Variants in PFKL observed in about 807,000 individuals in gnomAD.
PFKL encodes phosphofructokinase, liver type.
Under a neutral mutation model 92.1 loss-of-function variants are expected in PFKL, and 74 were observed. The observed-to-expected ratio is 0.80, with a 90% CI of 0.67 to 0.97. PFKL has a LOEUF of 0.97. Among genes scored for constraint, PFKL ranks in the 50% least tolerant of loss-of-function variants. The probability of loss-of-function intolerance (pLI) is 0.00; values close to 1 mark genes in which losing one functional copy is unlikely to be tolerated. For missense variants in PFKL, 1,028 were observed against 1,116.6 expected, an observed-to-expected ratio of 0.92 and a Z score of 1.13; for synonymous variants, 494 against 456.4, an observed-to-expected ratio of 1.08 and a Z score of -1.05.
intron 1 of PFKL, chr21:44,304,586 G>C: frequency 1.9e-6 from 2 of 1,050,240 alleles, no homozygotes; most frequent in Non-Finnish European, 2.4e-6. Flanking sequence ...GGGGGACAGG[G>C]CGCTGCACTC....
At chr21:44,317,760 C>A (rs987340153) in intron 9 of PFKL, among the ~76,000 whole-genome samples, 4 of 152,250 alleles carry the variant, frequency 2.6e-5, no homozygotes, top group African/African-American at 4.8e-5. Context: ...GAGCCTCATC[C>A]TGCATGGGGG....
In PFKL at chr21:44,324,533, C is replaced by T. The variant is rs1448983891; in HGVS notation, c.1693C>T (p.Arg565Cys). 2.5e-6 allele frequency: 4 copies of T among 1,613,338 alleles called. No individual in the cohort carries two copies. Among genetic ancestry groups the T allele is most frequent in the Non-Finnish European group, 3.4e-6 (4 of 1,179,920 alleles). Residue 565 changes from arginine to cysteine, a missense_variant, in exon 17 of 22, where the codon CGT becomes TGT. By Grantham distance (180) the Arg-to-Cys change is radical. Coordinates refer to ENST00000349048, the MANE Select transcript of PFKL (RefSeq NM_002626.6). ...IKQSASGTKR[R>C]VFIVETMGGY... ...ACAGTCTGCCTCGGGGACCAAGCGC[C>T]GTGTGTTCATCGTGGAGACCATGGG...
At chr21:44,318,698 A>T in intron 10 of PFKL, 103 bp downstream of exon 10, 5 of 1,006,726 alleles carry the variant, frequency 5.0e-6, no homozygotes, top group East Asian at 3.8e-5. Context: ...TGAGCACCGG[A>T]GGGCAGGGCC....
In PFKL at chr21:44,326,810, G is replaced by A. The variant is rs1234997063; in HGVS notation, c.2291G>A (p.Gly764Glu). ...YRISMAAYVS[G>E]ELEHVTRRTL... Reference sequence around the variant, plus strand: ...ATCAGTATGGCCGCCTACGTGTCAGGGGAGCTGGAGCACGTGACCCGCCGC... The same window carrying A: ...ATCAGTATGGCCGCCTACGTGTCAGAGGAGCTGGAGCACGTGACCCGCCGC... Residue 764 changes from glycine (G) to glutamate (E), a missense_variant, in exon 22 of 22, where the codon GGG (glycine) becomes GAG (glutamate). Coordinates refer to ENST00000349048, the MANE Select transcript of PFKL (RefSeq NM_002626.6). The A allele has an allele frequency of 6.2e-7, 1 of 1,607,130 alleles. No homozygotes were observed. Among genetic ancestry groups the A allele is most frequent in the Non-Finnish European group, 8.5e-7 (1 of 1,177,090 alleles).
Position 44,318,550 on chromosome 21 carries a change from G to C in PFKL, c.1017G>C (p.Ser339=). Residue 339 remains serine, a synonymous_variant, in exon 10 of 22, where the codon TCG becomes TCC. Coordinates refer to ENST00000349048, the MANE Select transcript of PFKL (RefSeq NM_002626.6). The part of the protein sequence containing the change: ...PDTPACVVTL[S]GNQSVRLPLM... ...CGCCGGCCTGCGTGGTCACCCTCTC[G>C]GGGAACCAGTCAGTGCGGCTGCCCC... The C allele has an allele frequency of 6.3e-7, 1 of 1,576,128 alleles. No homozygotes were observed. Among genetic ancestry groups the C allele is most frequent in the Middle Eastern group, 1.7e-4 (1 of 5,798 alleles).
intron 7 of PFKL, chr21:44,315,323 T>A (rs1221119372): frequency 6.6e-6 from 1 of 152,272 alleles, no homozygotes; most frequent in African/African-American, 2.4e-5. Context: ...AGAGTCTGTT[T>A]CCCCCTGTAA....
At chr21:44,324,786 C>G in intron 17 of PFKL, 70 bp from the exon 18 acceptor site, 8 of 1,581,066 alleles carry the variant, frequency 5.1e-6, no homozygotes, top group Non-Finnish European at 6.9e-6. Flanking sequence ...CTGCTGGCCC[C>G]GGATCGCCGG....
chr21:44,326,998 C>G lies in PFKL; in HGVS notation c.*136C>G, dbSNP rs2047533679. The G allele has an allele frequency of 2.5e-6, 2 of 797,192 alleles. No individual in the cohort carries two copies. The highest frequency in any genetic ancestry group is 5.1e-5 in the Admixed American group (2 of 39,304). The allele number at this position is 797,192 out of a possible 1,614,324, so 49.4% of individuals were successfully genotyped here. A position where few individuals can be genotyped will look rare whatever the true frequency, so the allele number is the denominator to read the frequency against. On this transcript the variant is annotated 3_prime_UTR_variant, in exon 22 of 22. Transcript: ENST00000349048. ...CGTCCCTGCTCAGCCCATCCCCTGC[C>G]TCTATCCCTGGCCACCTGCCAGGCC...
chr21:44,324,746 C>G, intron 17 of PFKL, 91 bp downstream of exon 17: 3 of 1,566,420 alleles, frequency 1.9e-6, no homozygotes, highest in Non-Finnish European at 2.6e-6. Context: ...GGGCAGGGCC[C>G]GGGCAGGTGG....
intron 1 of PFKL, among the ~76,000 whole-genome samples, chr21:44,300,561 C>T (rs940998269): frequency 1.3e-5 from 2 of 152,192 alleles, no homozygotes; most frequent in African/African-American, 4.8e-5. Context: ...CTGAAGCGAC[C>T]CGGGGACCCG....
At chr21:44,325,716 C>G in intron 19 of PFKL, 1 of 554,028 alleles carries the variant, frequency 1.8e-6, no homozygotes, top group Non-Finnish European at 3.2e-6. Context: ...GCCCAGGAGT[C>G]ACTTGACTTG....
At chr21:44,322,342 A>AG in intron 14 of PFKL, 139 bp downstream of exon 14, 1 of 758,630 alleles carries the variant, frequency 1.3e-6, no homozygotes, top group Non-Finnish European at 2.1e-6. Context: ...TGCCCAGAGC[A>AG]GGCTTCACGC....
intron 18 of PFKL, 43 bp from the exon 19 acceptor site, chr21:44,325,110 C>A: frequency 7.0e-7 from 1 of 1,422,370 alleles, no homozygotes; most frequent in Non-Finnish European, 9.9e-7. Context: ...GGGGGGAGAC[C>A]TGAACTCGTT....
rs781224767 is a variant in PFKL at position 44,318,481 on chromosome 21, G to C, written c.948G>C (p.Met316Ile). The part of the protein sequence containing the change: ...SAFDRILSSK[M>I]GMEAVMALLE... ...ACCCTTCCCCACAGAGCAGCAAGAT[G>C]GGCATGGAGGCGGTGATGGCGCTGC... Residue 316 changes from methionine to isoleucine, a missense_variant, in exon 10 of 22, where the codon ATG becomes ATC. Coordinates refer to ENST00000349048, the MANE Select transcript of PFKL (RefSeq NM_002626.6). 1.3e-6 allele frequency: 2 copies of C among 1,554,356 alleles called. No homozygotes were observed. Among genetic ancestry groups the C allele is most frequent in the Non-Finnish European group, 1.7e-6 (2 of 1,143,114 alleles).
At position 44,327,161 on chromosome 21, in the gene PFKL, C is replaced by A; in HGVS notation, c.*299C>A. 1 of 457,690 alleles carries A rather than the reference C, an allele frequency of 2.2e-6. No individual in the cohort carries two copies. Among genetic ancestry groups the A allele is most frequent in the Non-Finnish European group, 4.0e-6 (1 of 247,588 alleles). The allele number at this position is 457,690 out of a possible 1,614,324, so 28.4% of individuals were successfully genotyped here. A position where few individuals can be genotyped will look rare whatever the true frequency, so the allele number is the denominator to read the frequency against. On this transcript the variant is annotated 3_prime_UTR_variant, in exon 22 of 22. Transcript: ENST00000349048. ...GGCTGCTGCCCCCTGGCTTTGGCGC[C>A]CCATGGGCCCTCAGCGTCTCCCCAT...
At chr21:44,314,097 G>T (rs1193527726) in intron 7 of PFKL, 76 bp downstream of exon 7, 15 of 995,744 alleles carry the variant, frequency 1.5e-5, no homozygotes, top group Non-Finnish European at 2.3e-5. Context: ...TTTGGGACCA[G>T]CCTTGACCAA....
At chr21:44,315,737 T>G in intron 7 of PFKL, 1 of 193,160 alleles carries the variant, frequency 5.2e-6, no homozygotes, top group Non-Finnish European at 1.1e-5. Flanking sequence ...CCACAGTGGC[T>G]TCAGGGTGCA....
At chr21:44,314,221 C>G (rs1032778821) in intron 7 of PFKL, 200 bp downstream of exon 7, 6 of 579,916 alleles carry the variant, frequency 1.0e-5, no homozygotes, top group Admixed American at 6.2e-5. Context: ...GGTCCTGCCC[C>G]CAGTGGGCAG....
In PFKL at chr21:44,313,698, C is replaced by G. The variant is rs1444644242; in HGVS notation, c.638+16C>G. On this transcript the variant is annotated intron_variant, in intron 6 of 21. Coordinates refer to ENST00000349048, the MANE Select transcript of PFKL (RefSeq NM_002626.6). ...GGCACTGCGGGTGAGGAGGGGCTTC[C>G]TGGCCCGCTGGGTGGCCCGGGTGCT... is the stretch of plus-strand genomic sequence containing the variant. 1.2e-6 allele frequency: 2 copies of G among 1,607,982 alleles called. No homozygotes were observed. The highest frequency in any genetic ancestry group is 1.7e-6 in the Non-Finnish European group (2 of 1,177,664).
Sources: allele counts gnomAD v4.1 joint callset (sites outside exome capture counted in the v4.1 genomes callset), GRCh38; gene constraint gnomAD v4.1.1; transcripts MANE v1.5; gene names NCBI Gene and HGNC (gene_info 2026-07-23, HGNC 2026-07-21).